Variants in CFAP69 observed in about 807,000 individuals in gnomAD.
CFAP69 encodes cilia and flagella associated protein 69.
A neutral mutation model predicts 123.0 loss-of-function variants in CFAP69; 92 were observed. That is an observed-to-expected ratio of 0.75 (90% CI 0.63 to 0.89). The LOEUF (loss-of-function observed/expected upper bound fraction) is 0.89, where lower values mean the gene tolerates loss of function less well. Ranked by LOEUF, CFAP69 falls within the 40% of genes least tolerant of loss-of-function variation. The probability of loss-of-function intolerance (pLI) is 0.00; values close to 1 mark genes in which losing one functional copy is unlikely to be tolerated. For missense variants in CFAP69, 1,067 were observed against 1,096.9 expected (o/e 0.97, Z 0.39); for synonymous variants, 380 against 364.3 (o/e 1.04, Z -0.49).
intron 18 of CFAP69, 112 bp downstream of exon 18, chr7:90,304,218 A>C: frequency 7.1e-7 from 1 of 1,401,132 alleles, no homozygotes; most frequent in Non-Finnish European, 9.3e-7. Flanking sequence ...TTATATAGAG[A>C]AATTCATTTT....
chr7:90,251,588 C>T (rs1023608650), intron 1 of CFAP69, among the ~76,000 whole-genome samples: 10 of 152,080 alleles, frequency 6.6e-5, no homozygotes, highest in African/African-American at 2.2e-4. Context: ...CATACAAAGC[C>T]TTCTATAAAA....
chr7:90,319,829 G>A, the CFAP69 span: 1 of 397,644 alleles, frequency 2.5e-6, no homozygotes, highest in East Asian at 3.6e-5. Flanking sequence ...AAAACTGTAA[G>A]TACACATATA....
chr7:90,273,970 A>G lies in CFAP69; in HGVS notation c.861-17A>G, dbSNP rs1406781662. 3.2e-6 allele frequency: 5 copies of G among 1,552,786 alleles called. No individual in the cohort carries two copies. The highest frequency in any genetic ancestry group is 4.4e-6 in the Non-Finnish European group (5 of 1,146,796). ...TGTATAACAATATAGTTTTTAAAAT[A>G]TGATTTTACTTTCTAGGGCTTTGAA... On this transcript the variant is annotated splice_polypyrimidine_tract_variant and intron_variant, in intron 8 of 22. Transcript: ENST00000389297.
At chr7:90,280,234 G>A (rs2117044628) in intron 12 of CFAP69, among the ~76,000 whole-genome samples, 2 of 152,304 alleles carry the variant, frequency 1.3e-5, no homozygotes, top group Non-Finnish European at 2.9e-5. Flanking sequence ...GTCTCACCCT[G>A]TCACCCAGGC....
At chr7:90,300,581 GACTT>G (rs1792646206) in intron 17 of CFAP69, 1 of 414,578 alleles carries the variant, frequency 2.4e-6, no homozygotes, top group Non-Finnish European at 3.2e-6. Flanking sequence ...AAATTAATGA[GACTT>G]ACAGTATCAT....
At chr7:90,300,226 T>C in intron 17 of CFAP69, 167 bp downstream of exon 17, 2 of 1,113,334 alleles carry the variant, frequency 1.8e-6, no homozygotes, top group Non-Finnish European at 2.2e-6. Context: ...GGAAGAAAAC[T>C]AAGTAAATTA....
At chr7:90,265,565 C>T (rs528232255) in intron 5 of CFAP69, among the ~76,000 whole-genome samples, 188 bp downstream of exon 5, 1 of 152,224 alleles carries the variant, frequency 6.6e-6, no homozygotes, top group Non-Finnish European at 1.5e-5. Flanking sequence ...CAGGTTGTTT[C>T]GTGATACCAA....
At chr7:90,284,935 G>T (rs1008880517) in intron 13 of CFAP69, among the ~76,000 whole-genome samples, 3 of 152,162 alleles carry the variant, frequency 2.0e-5, no homozygotes, top group African/African-American at 7.2e-5. Flanking sequence ...GATTAGTGAG[G>T]TTATATGTAC....
At chr7:90,314,807 T>C (rs140640133), downstream of CFAP69, among the ~76,000 whole-genome samples, 1,238 of 152,086 alleles carry the variant, frequency 8.1e-3, 16 homozygotes, top group African/African-American at 0.029. Context: ...GCCATGCTGG[T>C]GCGCTGCACC....
chr7:90,322,653 A>G, the CFAP69 span: 2 of 152,212 alleles, frequency 1.3e-5, no homozygotes, highest in African/African-American at 4.8e-5. Context: ...AAACATTTTT[A>G]TCTGTTTACA....
chr7:90,252,973 A>G (rs1797202887), intron 1 of CFAP69, among the ~76,000 whole-genome samples: 1 of 152,222 alleles, frequency 6.6e-6, no homozygotes, highest in African/African-American at 2.4e-5. Context: ...AACTAACACT[A>G]AGTGAAATTG....
downstream of CFAP69, among the ~76,000 whole-genome samples, chr7:90,314,044 C>G (rs144654900): frequency 1.1e-3 from 161 of 152,248 alleles, no homozygotes; most frequent in African/African-American, 3.7e-3. Flanking sequence ...CCCAGTCAAA[C>G]AAAGACATCA....
chr7:90,262,231 C>T (rs141225571), intron 4 of CFAP69, among the ~76,000 whole-genome samples, 175 bp downstream of exon 4: 105 of 152,214 alleles, frequency 6.9e-4, no homozygotes, highest in African/African-American at 2.4e-3. Flanking sequence ...TTGCTGTGGT[C>T]TGAGATTGCT....
intron 4 of CFAP69, among the ~76,000 whole-genome samples, chr7:90,264,091 G>GA (rs1165222104): frequency 0.025 from 444 of 17,920 alleles, 38 homozygotes; most frequent in East Asian, 0.065. Flanking sequence ...ACTCCATCTC[G>GA]AAAAAAAAAA....
At chr7:90,283,292 A>G (rs1001340573) in intron 13 of CFAP69, among the ~76,000 whole-genome samples, 1 of 152,172 alleles carries the variant, frequency 6.6e-6, no homozygotes, top group Middle Eastern at 3.2e-3. Context: ...ATTTAGGATT[A>G]TCTTTATCTT....
At chr7:90,299,090 T>C (rs1792400192) in intron 16 of CFAP69, among the ~76,000 whole-genome samples, 1 of 152,174 alleles carries the variant, frequency 6.6e-6, no homozygotes, top group African/African-American at 2.4e-5. Flanking sequence ...AATATTATTA[T>C]CCTTTCATTT....
chr7:90,306,843 G>A, intron 19 of CFAP69, 58 bp from the exon 20 acceptor site: 1 of 1,015,286 alleles, frequency 9.8e-7, no homozygotes, highest in Non-Finnish European at 1.5e-6. Context: ...TTGTATAATT[G>A]TACAATTGCA....
chr7:90,268,426 A>G (rs376739951), intron 6 of CFAP69, 42 bp downstream of exon 6: 18 of 1,352,908 alleles, frequency 1.3e-5, no homozygotes, highest in Non-Finnish European at 1.9e-5. Context: ...TTGTGTATGT[A>G]GAAAACAGAA....
At chr7:90,270,003 G>A (rs527687695) in intron 6 of CFAP69, 1 of 152,328 alleles carries the variant, frequency 6.6e-6, no homozygotes, top group African/African-American at 2.4e-5. Flanking sequence ...AACCAGTGGT[G>A]TAGGACTTAA....
Sources: gnomAD v4.1 joint callset for allele counts (sites outside exome capture counted in the v4.1 genomes callset) on GRCh38, gnomAD v4.1.1 for gene constraint, MANE v1.5 for transcripts, NCBI Gene and HGNC (gene_info 2026-07-23, HGNC 2026-07-21) for gene names.